The following SKAP1 variants were observed in gnomAD, a reference collection of about 807,000 sequenced individuals.
SKAP1 encodes the protein src kinase associated phosphoprotein 1.
Under a neutral mutation model 58.5 loss-of-function variants are expected in SKAP1, and 44 were observed. That is an observed-to-expected ratio of 0.75 (90% CI 0.59 to 0.97). SKAP1 has a LOEUF of 0.97. SKAP1 is among the 50% of genes least tolerant of loss of function. The pLI is 0.00. For synonymous variants in SKAP1, 127 were observed against 149.7 expected, an observed-to-expected ratio of 0.85 and a Z score of 1.11; for missense variants, 390 against 435.2, an observed-to-expected ratio of 0.90 and a Z score of 0.92.
intron 1 of SKAP1, among the ~76,000 whole-genome samples, chr17:48,405,777 T>C (rs1349557207): frequency 1.3e-5 from 2 of 151,306 alleles, no homozygotes; most frequent in Non-Finnish European, 2.9e-5. Flanking sequence ...GGATTACAGG[T>C]GTGAGCCACC....
chr17:48,318,839 G>A (rs902195368), intron 4 of SKAP1, among the ~76,000 whole-genome samples: 1 of 152,214 alleles, frequency 6.6e-6, no homozygotes, highest in Non-Finnish European at 1.5e-5. Flanking sequence ...TTTAGCCTGG[G>A]CAAGACAGAG....
chr17:48,387,236 G>T (rs1165386160), intron 2 of SKAP1, among the ~76,000 whole-genome samples: 1 of 152,094 alleles, frequency 6.6e-6, no homozygotes, highest in Non-Finnish European at 1.5e-5. Flanking sequence ...AGTATCACTT[G>T]CTTCCTTACC....
chr17:48,404,438 G>A (rs1046877671), intron 1 of SKAP1, among the ~76,000 whole-genome samples: 3 of 152,066 alleles, frequency 2.0e-5, no homozygotes, highest in Non-Finnish European at 4.4e-5. Context: ...GGCAAGAAGG[G>A]TGAAACTCTA....
intron 4 of SKAP1, among the ~76,000 whole-genome samples, chr17:48,217,739 A>AT (rs1426202067): frequency 6.6e-6 from 1 of 152,206 alleles, no homozygotes; most frequent in Non-Finnish European, 1.5e-5. Context: ...TTAAAAAAAA[A>AT]TTTTAACAGC....
At chr17:48,418,125 C>T (rs1305497192) in intron 1 of SKAP1, among the ~76,000 whole-genome samples, 4 of 152,044 alleles carry the variant, frequency 2.6e-5, no homozygotes, top group Admixed American at 2.0e-4. Flanking sequence ...CTCGTCTCTA[C>T]TAAAAATAAA....
intron 9 of SKAP1, among the ~76,000 whole-genome samples, chr17:48,177,690 G>A (rs2064309493): frequency 1.3e-5 from 2 of 152,060 alleles, no homozygotes; most frequent in South Asian, 4.1e-4. Flanking sequence ...CAAACAGCAA[G>A]TTCAGAAGCA....
intron 11 of SKAP1, among the ~76,000 whole-genome samples, chr17:48,152,761 T>C (rs1414524268): frequency 6.6e-6 from 1 of 152,224 alleles, no homozygotes; most frequent in Non-Finnish European, 1.5e-5. Flanking sequence ...ATTGGAGGTA[T>C]AAGGAATTAA....
chr17:48,363,682 A>G, intron 3 of SKAP1, 107 bp downstream of exon 3: 1 of 953,332 alleles, frequency 1.0e-6, no homozygotes, highest in Non-Finnish European at 1.6e-6. Flanking sequence ...TTTCCTTGGA[A>G]ATGGTTAATG....
At chr17:48,161,916 T>C (rs1341376055) in intron 11 of SKAP1, among the ~76,000 whole-genome samples, 6 of 152,172 alleles carry the variant, frequency 3.9e-5, no homozygotes, top group Non-Finnish European at 8.8e-5. Flanking sequence ...GGCATGGTTT[T>C]GGTATAATAC....
chr17:48,142,189 G>A (rs865929276), intron 11 of SKAP1, among the ~76,000 whole-genome samples: 9 of 135,280 alleles, frequency 6.7e-5, no homozygotes, highest in Non-Finnish European at 1.3e-4. Context: ...GAGGCCGGGC[G>A]CGGTGGCTCA....
chr17:48,216,534 C>T (rs1188555719), intron 4 of SKAP1, among the ~76,000 whole-genome samples: 2 of 150,866 alleles, frequency 1.3e-5, no homozygotes, highest in Admixed American at 1.3e-4. Context: ...CTCTGTTGCT[C>T]AGGCTGGAGT....
chr17:48,317,206 T>C lies in SKAP1; in HGVS notation c.280+28699A>G, dbSNP rs185198676. On this transcript the variant is annotated intron_variant, in intron 4 of 12. Coordinates refer to ENST00000336915, the MANE Select transcript of SKAP1 (RefSeq NM_003726.4). ...GAAGAGAAGGGACTCCCAATGGAAA[T>C]AAACCTATGAAAAATCACCAATCCC... 5.2e-4 allele frequency among the ~76,000 whole-genome samples: 79 copies of C among 152,224 alleles called. No homozygotes were observed. The South Asian group carries it at 6.2e-3, about 12-fold the overall frequency.
chr17:48,150,977 T>G (rs745872243), intron 11 of SKAP1, among the ~76,000 whole-genome samples: 1 of 151,662 alleles, frequency 6.6e-6, no homozygotes, highest in African/African-American at 2.4e-5. Context: ...CCAGAAGACT[T>G]AGGAGGTCAA....
At chr17:48,255,763 C>T (rs2065415865) in intron 4 of SKAP1, among the ~76,000 whole-genome samples, 1 of 151,998 alleles carries the variant, frequency 6.6e-6, no homozygotes, top group African/African-American at 2.4e-5. Context: ...ATATCAACCC[C>T]CATAATTTTT....
chr17:48,178,204 T>C (rs746349403), intron 9 of SKAP1, among the ~76,000 whole-genome samples: 6 of 152,124 alleles, frequency 3.9e-5, no homozygotes, highest in Non-Finnish European at 7.4e-5. Flanking sequence ...TTGAGGACTC[T>C]TCCTCTTTAT....
At chr17:48,217,182 A>G (rs1029168261) in intron 4 of SKAP1, among the ~76,000 whole-genome samples, 2 of 152,012 alleles carry the variant, frequency 1.3e-5, no homozygotes, top group Non-Finnish European at 2.9e-5. Flanking sequence ...TGTCCAAATC[A>G]TTTTCAGGCC....
intron 4 of SKAP1, among the ~76,000 whole-genome samples, chr17:48,231,574 G>A (rs192854810): frequency 1.3e-5 from 2 of 151,916 alleles, no homozygotes; most frequent in Non-Finnish European, 2.9e-5. Flanking sequence ...GGAATTTTAC[G>A]CTGAGACCTT....
intron 2 of SKAP1, among the ~76,000 whole-genome samples, chr17:48,393,769 T>C (rs538428727): frequency 1.3e-5 from 2 of 152,140 alleles, no homozygotes; most frequent in African/African-American, 2.4e-5. Flanking sequence ...AAAATATATA[T>C]ATATGTGTGT....
chr17:48,291,666 G>C (rs549839307), intron 4 of SKAP1, among the ~76,000 whole-genome samples: 1 of 152,170 alleles, frequency 6.6e-6, no homozygotes, highest in Non-Finnish European at 1.5e-5. Context: ...GAGGTGTGTA[G>C]CTCCCTAAAT....
Sources: allele counts gnomAD v4.1 joint callset (sites outside exome capture counted in the v4.1 genomes callset), GRCh38; gene constraint gnomAD v4.1.1; transcripts MANE v1.5; gene names NCBI Gene and HGNC (gene_info 2026-07-23, HGNC 2026-07-21).